The following ENPEP variants were observed in gnomAD, a reference collection of about 807,000 sequenced individuals.
ENPEP encodes the protein glutamyl aminopeptidase, also known as AP-A.
A neutral mutation model predicts 114.5 loss-of-function variants in ENPEP; 103 were observed. That is an observed-to-expected ratio of 0.90 (90% confidence interval 0.77 to 1.06). ENPEP has a LOEUF of 1.06. Ranked by LOEUF, ENPEP falls within the 50% of genes least tolerant of loss-of-function variation. The probability of loss-of-function intolerance (pLI) is 0.00; values close to 1 mark genes in which losing one functional copy is unlikely to be tolerated. For missense variants in ENPEP, 1,196 were observed against 1,161.3 expected, an observed-to-expected ratio of 1.03 and a Z score of -0.43; for synonymous variants, 420 against 422.0, an observed-to-expected ratio of 1.00 and a Z score of 0.06.
At chr4:110,477,190 G>A in intron 1 of ENPEP, 132 bp downstream of exon 1, 3 of 1,309,952 alleles carry the variant, frequency 2.3e-6, no homozygotes, top group Non-Finnish European at 3.1e-6. Flanking sequence ...TTTCAATTCT[G>A]GCTGTCCATC....
At chr4:110,514,756 A>G (rs1436423602) in intron 7 of ENPEP, among the ~76,000 whole-genome samples, 1 of 152,102 alleles carries the variant, frequency 6.6e-6, no homozygotes, top group Non-Finnish European at 1.5e-5. Context: ...AAATATTACA[A>G]ATTGTGCATT....
chr4:110,521,475 C>T (rs1725987663), intron 10 of ENPEP, among the ~76,000 whole-genome samples: 1 of 151,752 alleles, frequency 6.6e-6, no homozygotes, highest in Admixed American at 6.6e-5. Context: ...TACACGCCAG[C>T]TACTAGAATC....
rs3042468 is a variant in ENPEP at position 110,548,139 on chromosome 4, G to GTTTTTTTTTTTT, written c.2001-23_2001-12dup. ...GTCTGTGGTTTTTAATTAACTGTGA[G>GTTTTTTTTTTTT]TTTTTTTTTTTTTTTTTTTTTTTTT... On this transcript the variant is annotated intron_variant, in intron 13 of 19. Transcript: ENST00000265162. 1.8e-4 allele frequency: 125 copies of GTTTTTTTTTTTT among 692,106 alleles called. 7 individuals carry two copies. Among genetic ancestry groups the GTTTTTTTTTTTT allele is most frequent in the Middle Eastern group, 3.5e-4 (1 of 2,860 alleles). The allele number at this position is 692,106 out of a possible 1,614,324, so 42.9% of individuals were successfully genotyped here.
chr4:110,541,887 G>A (rs1021522929), intron 11 of ENPEP, among the ~76,000 whole-genome samples: 2 of 152,054 alleles, frequency 1.3e-5, no homozygotes, highest in African/African-American at 2.4e-5. Flanking sequence ...TAGGAGTAAC[G>A]CTAACGAACA....
intron 11 of ENPEP, among the ~76,000 whole-genome samples, chr4:110,540,639 T>TA (rs2110384672): frequency 6.6e-6 from 1 of 152,256 alleles, no homozygotes; most frequent in Admixed American, 6.5e-5. Context: ...AAAATCACAG[T>TA]AACTCTAGAC....
At chr4:110,547,171 T>C (rs140403773) in intron 13 of ENPEP, among the ~76,000 whole-genome samples, 1 of 152,238 alleles carries the variant, frequency 6.6e-6, no homozygotes, top group African/African-American at 2.4e-5. Context: ...TGCTCTCATA[T>C]GACCTTTGTC....
At chr4:110,555,190 T>A (rs1334968181) in intron 18 of ENPEP, among the ~76,000 whole-genome samples, 1 of 152,062 alleles carries the variant, frequency 6.6e-6, no homozygotes, top group Admixed American at 6.6e-5. Flanking sequence ...CTAATTCTCA[T>A]GAGACATTAT....
intron 7 of ENPEP, among the ~76,000 whole-genome samples, chr4:110,514,616 T>C (rs757843150): frequency 1.3e-5 from 2 of 152,144 alleles, no homozygotes; most frequent in Non-Finnish European, 2.9e-5. Context: ...GATAAATAAA[T>C]GTTTCTAGGC....
intron 10 of ENPEP, among the ~76,000 whole-genome samples, chr4:110,529,919 CA>C (rs35782762): frequency 6.6e-6 from 1 of 151,660 alleles, no homozygotes; most frequent in Non-Finnish European, 1.5e-5. Flanking sequence ...ACTAAAAATA[CA>C]AAAAAATTGG....
chr4:110,491,718 C>CTTTTTT (rs970695793), intron 3 of ENPEP, among the ~76,000 whole-genome samples: 3 of 66,054 alleles, frequency 4.5e-5, no homozygotes, highest in South Asian at 4.0e-4. Flanking sequence ...TTCTTTCTTT[C>CTTTTTT]TTTTTTTTTT....
At chr4:110,487,158 G>A (rs1278965225) in intron 1 of ENPEP, among the ~76,000 whole-genome samples, 2 of 152,326 alleles carry the variant, frequency 1.3e-5, no homozygotes, top group East Asian at 1.9e-4. Flanking sequence ...TGAGGAATTT[G>A]TGGAGGTTGA....
In ENPEP at chr4:110,553,390, T is replaced by C; in HGVS notation, c.2577T>C (p.Tyr859=). 6.2e-7 allele frequency: 1 copy of C among 1,611,708 alleles called. No homozygotes were observed. The highest frequency in any genetic ancestry group is 8.5e-7 in the Non-Finnish European group (1 of 1,178,392). Residue 859 remains tyrosine, a synonymous_variant, in exon 18 of 20, where the codon TAT becomes TAC. Coordinates refer to ENST00000265162, the MANE Select transcript of ENPEP (RefSeq NM_001977.4). ...DVFTVIRYIS[Y]NSYGKNMAWN... ...TTACAGTCATTCGATATATCTCATA[T>C]AACAGCTATGGGAAGAACATGGCCT...
At chr4:110,525,347 C>A (rs1726155525) in intron 10 of ENPEP, among the ~76,000 whole-genome samples, 2 of 152,200 alleles carry the variant, frequency 1.3e-5, no homozygotes, top group Admixed American at 6.5e-5. Flanking sequence ...CCAGCTGAGC[C>A]CCTCCTAGAG....
At chr4:110,553,816 A>G (rs1727378703) in intron 18 of ENPEP, among the ~76,000 whole-genome samples, 1 of 152,024 alleles carries the variant, frequency 6.6e-6, no homozygotes, top group African/African-American at 2.4e-5. Flanking sequence ...AAGCTAGGTA[A>G]AAATTATTGG....
intron 3 of ENPEP, chr4:110,506,276 T>C (rs1468895234): frequency 1.2e-5 from 2 of 167,502 alleles, no homozygotes; most frequent in Admixed American, 1.2e-4. Flanking sequence ...TATGGATGGA[T>C]GAATAGATAA....
At chr4:110,488,330 A>T (rs952096308) in intron 1 of ENPEP, among the ~76,000 whole-genome samples, 2 of 152,236 alleles carry the variant, frequency 1.3e-5, no homozygotes, top group African/African-American at 4.8e-5. Context: ...ATCTGAAGCA[A>T]TCTGACTCAG....
At chr4:110,478,400 G>C (rs2110329079) in intron 1 of ENPEP, among the ~76,000 whole-genome samples, 1 of 148,202 alleles carries the variant, frequency 6.7e-6, no homozygotes, top group East Asian at 2.0e-4. Flanking sequence ...ATCATTGAAA[G>C]CATAAAAATT....
At chr4:110,510,936 A>G (rs1725551045) in intron 6 of ENPEP, among the ~76,000 whole-genome samples, 1 of 152,182 alleles carries the variant, frequency 6.6e-6, no homozygotes, top group Non-Finnish European at 1.5e-5. Context: ...AAAGCTCCCA[A>G]ATGTGCATGT....
intron 18 of ENPEP, among the ~76,000 whole-genome samples, chr4:110,558,305 TG>T (rs1560572526): frequency 1.4e-5 from 2 of 147,046 alleles, no homozygotes; most frequent in African/African-American, 2.5e-5. Context: ...AATTTTTTTT[TG>T]AGACAAGGTC....
Sources: gnomAD v4.1 joint callset for allele counts (sites outside exome capture counted in the v4.1 genomes callset) on GRCh38, gnomAD v4.1.1 for gene constraint, MANE v1.5 for transcripts, NCBI Gene and HGNC (gene_info 2026-07-23, HGNC 2026-07-21) for gene names.